The following THOC5 variants were observed in gnomAD, a reference collection of about 807,000 sequenced individuals.
THOC5 encodes the protein Fms-interacting protein.
THOC5 carries 43 observed loss-of-function variants against 92.9 expected under a neutral mutation model. The observed-to-expected ratio is 0.46, with a 90% CI of 0.36 to 0.60. The LOEUF (loss-of-function observed/expected upper bound fraction) is 0.60, where lower values mean the gene tolerates loss of function less well. THOC5 is among the 20% of genes least tolerant of loss of function. THOC5 has a pLI of 0.00. For synonymous variants in THOC5, 296 were observed against 320.1 expected (o/e 0.92, Z 0.80); for missense variants, 659 against 849.4 (o/e 0.78, Z 2.79).
At chr22:29,533,812 A>G (rs1279805427) in intron 7 of THOC5, among the ~76,000 whole-genome samples, 1 of 152,220 alleles carries the variant, frequency 6.6e-6, no homozygotes, top group Non-Finnish European at 1.5e-5. Flanking sequence ...AGTAGCCAAA[A>G]TTAAGGAGAC....
intron 2 of THOC5, 39 bp downstream of exon 2, chr22:29,549,013 G>T: frequency 6.2e-7 from 1 of 1,600,390 alleles, no homozygotes; most frequent in Non-Finnish European, 8.6e-7. Flanking sequence ...GCCATGAGAT[G>T]TAATTTCTCA....
chr22:29,538,043 C>T (rs1462593426), intron 6 of THOC5, among the ~76,000 whole-genome samples: 3 of 152,076 alleles, frequency 2.0e-5, no homozygotes, highest in African/African-American at 4.8e-5. Flanking sequence ...AGTGCAGTGG[C>T]GCAATCTCGG....
intron 6 of THOC5, among the ~76,000 whole-genome samples, chr22:29,538,751 A>G (rs561816874): frequency 7.3e-6 from 1 of 137,836 alleles, no homozygotes; most frequent in Admixed American, 7.6e-5. Flanking sequence ...GAGTCGTGAT[A>G]GTGCCACAGC....
At chr22:29,515,278 G>GACTCC (rs2063312453) in intron 17 of THOC5, among the ~76,000 whole-genome samples, 1 of 152,102 alleles carries the variant, frequency 6.6e-6, no homozygotes, top group African/African-American at 2.4e-5. Flanking sequence ...CTGACCTCAG[G>GACTCC]TGATCTGCCC....
intron 14 of THOC5, among the ~76,000 whole-genome samples, chr22:29,519,714 C>T (rs928336593): frequency 2.6e-5 from 4 of 151,328 alleles, no homozygotes; most frequent in South Asian, 2.1e-4. Flanking sequence ...CTCACCGCAA[C>T]CTCTGCCTCC....
At chr22:29,545,700 C>A (rs998153271) in intron 2 of THOC5, among the ~76,000 whole-genome samples, 11 of 152,224 alleles carry the variant, frequency 7.2e-5, no homozygotes, top group Admixed American at 2.0e-4. Context: ...GGTGGCTTCC[C>A]ATGGTCTTGG....
intron 8 of THOC5, chr22:29,531,531 ATGGGGTG>A (rs2063655035): frequency 8.9e-7 from 1 of 1,126,586 alleles, no homozygotes; most frequent in Non-Finnish European, 1.1e-6. Flanking sequence ...GCGTGCCTTG[ATGGGGTG>A]AGCACCTGGG....
At chr22:29,529,003 G>A (rs1026421317) in intron 9 of THOC5, 159 bp downstream of exon 9, 12 of 692,956 alleles carry the variant, frequency 1.7e-5, no homozygotes, top group Middle Eastern at 4.1e-4. Flanking sequence ...TTGTGACTCC[G>A]GGAAGTGAGC....
intron 11 of THOC5, 53 bp from the exon 12 acceptor site, chr22:29,525,999 T>G: frequency 1.0e-6 from 1 of 964,614 alleles, no homozygotes; most frequent in African/African-American, 1.8e-5. Flanking sequence ...CAGAGCAGAG[T>G]GAACAGAGTC....
intron 17 of THOC5, among the ~76,000 whole-genome samples, chr22:29,515,154 G>C (rs995691965): frequency 3.3e-5 from 5 of 151,934 alleles, no homozygotes; most frequent in African/African-American, 1.2e-4. Context: ...CGATTCTCCT[G>C]CCTCAGCCTC....
At position 29,531,905 on chromosome 22, in the gene THOC5, T is replaced by C. The variant is rs760679652; in HGVS notation, c.773A>G (p.Tyr258Cys). Reference sequence around the variant, plus strand: ...AGGCGGCAGGTGTCTGGCTGTCTCATACTGCTTGTGAGCCTGGTCGAATGG... The same window carrying C: ...AGGCGGCAGGTGTCTGGCTGTCTCACACTGCTTGTGAGCCTGGTCGAATGG... ...FMPFDQAHKQYETARHLPPPL... is the reference protein window; with the variant it reads ...FMPFDQAHKQCETARHLPPPL... The change falls in exon 8 of 20, where the codon TAT (tyrosine) becomes TGT (cysteine). Residue 258 changes from tyrosine to cysteine, a missense_variant. Tyr to Cys is a radical substitution (Grantham distance 194). Transcript: ENST00000490103. The C allele has an allele frequency of 3.1e-6, 5 of 1,614,106 alleles. No homozygotes were observed. In the South Asian group the frequency reaches 5.5e-5, roughly 18 times the overall value.
rs754712594 is a variant in THOC5, at chr22:29,543,545, G to A, written c.241-3C>T. ...CTCCGTTCTTCTATTTCTATTGCCTGTGGGCAAAGAAAACAGTAAAGCCCA... is the reference window on the plus strand; with the variant it reads ...CTCCGTTCTTCTATTTCTATTGCCTATGGGCAAAGAAAACAGTAAAGCCCA... On this transcript the variant is annotated splice_region_variant and splice_polypyrimidine_tract_variant and intron_variant, in intron 3 of 19. Transcript: ENST00000490103. 1.2e-6 allele frequency: 2 copies of A among 1,608,374 alleles called. No individual in the cohort carries two copies. The highest frequency in any genetic ancestry group is 1.1e-5 in the South Asian group (1 of 90,942).
At chr22:29,539,571 G>T in intron 5 of THOC5, 95 bp from the exon 6 acceptor site, 1 of 1,346,712 alleles carries the variant, frequency 7.4e-7, no homozygotes, top group Non-Finnish European at 1.0e-6. Context: ...TGCCTGCTTA[G>T]TCCTGGTCTA....
chr22:29,510,880 T>C (rs1200808485), intron 19 of THOC5, among the ~76,000 whole-genome samples: 1 of 152,182 alleles, frequency 6.6e-6, no homozygotes, highest in East Asian at 1.9e-4. Context: ...CTCTATTGTT[T>C]TCCACAGAAA....
At chr22:29,537,041 C>A (rs1395076551) in intron 6 of THOC5, among the ~76,000 whole-genome samples, 3 of 152,278 alleles carry the variant, frequency 2.0e-5, no homozygotes, top group Non-Finnish European at 4.4e-5. Context: ...GGCTTTGGAT[C>A]CATGTCTCTT....
Position 29,508,186 on chromosome 22 carries a change from T to C in THOC5, c.*271A>G, listed in dbSNP as rs2063156083. The C allele has an allele frequency of 2.4e-5, 12 of 506,492 alleles. No homozygotes were observed. Among genetic ancestry groups the C allele is most frequent in the African/African-American group, 3.9e-5 (2 of 51,768 alleles). The allele number at this position is 506,492 out of a possible 1,614,324, so 31.4% of individuals were successfully genotyped here. On this transcript the variant is annotated 3_prime_UTR_variant, in exon 20 of 20. Transcript: ENST00000490103. ...AAGAGGTGAGCATCTCTCTGCAGAA[T>C]TGGAATCTTTTTCCACTCTGCTTTT...
rs34295037 is a variant in THOC5 at position 29,530,519 on chromosome 22, C to CA, written c.848-1281dup. Among the ~76,000 whole-genome samples, 891 of 147,716 alleles carry CA rather than the reference C, an allele frequency of 6.0e-3. 6 individuals are homozygous for CA. The highest frequency in any genetic ancestry group is 0.021 in the African/African-American group (861 of 40,388). Reference sequence around the variant, plus strand: ...TGGGCAACAGAGCCAGACTCCATCTCAAAAAAAAAAATTTTTTTTAATACT... The same window carrying CA: ...TGGGCAACAGAGCCAGACTCCATCTCAAAAAAAAAAAATTTTTTTTAATACT... On this transcript the variant is annotated intron_variant, in intron 8 of 19. Coordinates refer to ENST00000490103, the MANE Select transcript of THOC5 (RefSeq NM_003678.5).
At chr22:29,530,957 C>T in intron 8 of THOC5, 1 of 804,710 alleles carries the variant, frequency 1.2e-6, no homozygotes, top group Non-Finnish European at 1.6e-6. Flanking sequence ...CAACTAGTTG[C>T]TCCCATCAAG....
chr22:29,527,979 T>A (rs1291948366), intron 11 of THOC5, 99 bp downstream of exon 11: 18 of 1,077,738 alleles, frequency 1.7e-5, no homozygotes, highest in Non-Finnish European at 2.3e-5. Context: ...GAATCCTTTG[T>A]TGGGCAAATG....
Sources: gnomAD v4.1 joint callset for allele counts (sites outside exome capture counted in the v4.1 genomes callset) on GRCh38, gnomAD v4.1.1 for gene constraint, MANE v1.5 for transcripts, NCBI Gene and HGNC (gene_info 2026-07-23, HGNC 2026-07-21) for gene names.